AP1S3: variants seen among roughly 807,000 people sequenced by gnomAD.
AP1S3 encodes adaptor related protein complex 1 subunit sigma 3, also known as AP-1 complex subunit sigma-3.
In AP1S3, 10 loss-of-function variants were observed where a neutral mutation model predicts 20.9. That is an observed-to-expected ratio of 0.48 (90% CI 0.29 to 0.81). The LOEUF (loss-of-function observed/expected upper bound fraction) is 0.81, where lower values mean the gene tolerates loss of function less well. Ranked by LOEUF, AP1S3 falls within the 30% of genes least tolerant of loss-of-function variation. AP1S3 has a pLI of 0.08. For missense variants in AP1S3, 154 were observed against 183.8 expected, an observed-to-expected ratio of 0.84 and a Z score of 0.94; for synonymous variants, 41 against 61.5, an observed-to-expected ratio of 0.67 and a Z score of 1.56.
intron 4 of AP1S3, among the ~76,000 whole-genome samples, chr2:223,759,110 T>A (rs1405194580): frequency 6.6e-6 from 1 of 151,840 alleles, no homozygotes; most frequent in South Asian, 2.1e-4. Flanking sequence ...CAAAACCCCA[T>A]CTCGATGAAA....
At chr2:223,806,818 A>G (rs1373607689) in intron 1 of AP1S3, among the ~76,000 whole-genome samples, 2 of 152,224 alleles carry the variant, frequency 1.3e-5, no homozygotes, top group Non-Finnish European at 2.9e-5. Context: ...TAACATCTTA[A>G]GAAGAAAATT....
At chr2:223,777,931 G>A (rs1690829511) in intron 1 of AP1S3, 62 bp from the exon 2 acceptor site, 1 of 1,428,204 alleles carries the variant, frequency 7.0e-7, no homozygotes, top group Non-Finnish European at 9.5e-7. Flanking sequence ...GTTCTGCAAA[G>A]ACACTGAAAT....
At position 223,834,197 on chromosome 2, in the gene AP1S3, T is replaced by C. The variant is rs548053229; in HGVS notation, c.3+3251A>G. Among the ~76,000 whole-genome samples the C allele has an allele frequency of 9.2e-5, 14 of 151,900 alleles. No individual in the cohort carries two copies. In the South Asian group the frequency reaches 2.9e-3, roughly 32 times the overall value. Reference sequence around the variant, plus strand: ...TTTTGTTTATGTGGGTTATATCCACTGATATTTATTGTATTTGAAATTAAA... The same window carrying C: ...TTTTGTTTATGTGGGTTATATCCACCGATATTTATTGTATTTGAAATTAAA... On this transcript the variant is annotated intron_variant, in intron 1 of 4. Coordinates refer to ENST00000396654, the MANE Select transcript of AP1S3 (RefSeq NM_001039569.2).
rs941016304 is a variant in AP1S3, at chr2:223,757,898, G to A, written c.*817C>T. The stretch of plus-strand genomic sequence containing the variant: ...GGAACGTGAATTTTAAAAAATAGTA[G>A]CAATAATTATTATTGCTATTAATTC... On this transcript the variant is annotated 3_prime_UTR_variant, in exon 5 of 5. Transcript: ENST00000396654. 1.1e-5 allele frequency: 11 copies of A among 980,018 alleles called. No individual in the cohort carries two copies. In the African/African-American group the frequency reaches 1.9e-4, roughly 17 times the overall value. The allele number at this position is 980,018 out of a possible 1,614,324, so 60.7% of individuals were successfully genotyped here.
Position 223,822,541 on chromosome 2 carries a change from G to A in AP1S3, c.3+14907C>T, listed in dbSNP as rs187655405. Among the ~76,000 whole-genome samples the A allele has an allele frequency of 1.8e-3, 269 of 152,004 alleles. 4 individuals carry two copies. Among genetic ancestry groups the A allele is most frequent in the Admixed American group, 0.013 (203 of 15,256 alleles). On this transcript the variant is annotated intron_variant, in intron 1 of 4. Coordinates refer to ENST00000396654, the MANE Select transcript of AP1S3 (RefSeq NM_001039569.2). ...CTCTACTAAAAATACAAAATTAGCC[G>A]GGCATGGTGGTGCATTCCTGTAATC... is the stretch of plus-strand genomic sequence containing the variant.
chr2:223,830,100 T>A (rs1692224956), intron 1 of AP1S3, among the ~76,000 whole-genome samples: 1 of 152,046 alleles, frequency 6.6e-6, no homozygotes. Flanking sequence ...TAGCCTAAGC[T>A]GCAAGCCATA....
At chr2:223,816,806 A>G (rs1691854221) in intron 1 of AP1S3, among the ~76,000 whole-genome samples, 1 of 152,212 alleles carries the variant, frequency 6.6e-6, no homozygotes, top group African/African-American at 2.4e-5. Flanking sequence ...AAGATGACAG[A>G]CAATCCCCCA....
Position 223,809,218 on chromosome 2 carries a change from G to A in AP1S3, c.3+28230C>T, listed in dbSNP as rs1312508476. Among the ~76,000 whole-genome samples the A allele has an allele frequency of 2.6e-5, 4 of 152,208 alleles. No homozygotes were observed. The East Asian group carries it at 5.8e-4, about 22-fold the overall frequency. On this transcript the variant is annotated intron_variant, in intron 1 of 4. Coordinates refer to ENST00000396654, the MANE Select transcript of AP1S3 (RefSeq NM_001039569.2). ...GGCCATACTCAACATGCCCCCTCAC[G>A]ACCTCTGAAATCATCTACTCTTCCC... is the stretch of plus-strand genomic sequence containing the variant.
At chr2:223,795,901 G>A (rs1246179407) in intron 1 of AP1S3, among the ~76,000 whole-genome samples, 3 of 152,110 alleles carry the variant, frequency 2.0e-5, no homozygotes, top group Admixed American at 6.5e-5. Flanking sequence ...GGCCAGTCAC[G>A]GTGGCTCACG....
At chr2:223,821,591 G>A (rs1445658163) in intron 1 of AP1S3, among the ~76,000 whole-genome samples, 1 of 152,222 alleles carries the variant, frequency 6.6e-6, no homozygotes, top group East Asian at 1.9e-4. Flanking sequence ...ACTTACTATA[G>A]CAGCTAGACA....
At chr2:223,803,508 TA>T (rs1393532379) in intron 1 of AP1S3, among the ~76,000 whole-genome samples, 2 of 152,196 alleles carry the variant, frequency 1.3e-5, no homozygotes, top group Non-Finnish European at 2.9e-5. Flanking sequence ...AAATTGTTCT[TA>T]AAAGTCCCAG....
At chr2:223,797,777 T>C (rs1449792989) in intron 1 of AP1S3, among the ~76,000 whole-genome samples, 1 of 151,868 alleles carries the variant, frequency 6.6e-6, no homozygotes, top group African/African-American at 2.4e-5. Context: ...AAAAAATAAA[T>C]AAAATAAAAT....
intron 4 of AP1S3, among the ~76,000 whole-genome samples, chr2:223,761,531 C>T (rs994854597): frequency 2.6e-5 from 4 of 151,980 alleles, no homozygotes; most frequent in Admixed American, 2.6e-4. Context: ...CTCAAGTGAT[C>T]CTTTCACCTT....
chr2:223,756,413 A>C lies in AP1S3; in HGVS notation c.*2302T>G. ...GGAAGGGAAGGAAGGAAGGGAGGGAAGGAGAGAGAGAGAAGAAGGAAGGAA... is the reference window on the plus strand; with the variant it reads ...GGAAGGGAAGGAAGGAAGGGAGGGACGGAGAGAGAGAGAAGAAGGAAGGAA... On this transcript the variant is annotated 3_prime_UTR_variant, in exon 5 of 5. Coordinates refer to ENST00000396654, the MANE Select transcript of AP1S3 (RefSeq NM_001039569.2). 1.3e-5 allele frequency: 7 copies of C among 528,854 alleles called. No individual in the cohort carries two copies. Among genetic ancestry groups the C allele is most frequent in the Non-Finnish European group, 1.6e-5 (7 of 426,004 alleles). The allele number at this position is 528,854 out of a possible 1,614,324, so 32.8% of individuals were successfully genotyped here. A position where few individuals can be genotyped will look rare whatever the true frequency, so the allele number is the denominator to read the frequency against.
chr2:223,788,034 C>G (rs1691116797), intron 1 of AP1S3, among the ~76,000 whole-genome samples: 2 of 151,704 alleles, frequency 1.3e-5, no homozygotes, highest in African/African-American at 4.8e-5. Context: ...TCGGCTCGCC[C>G]AGGTTCAAGT....
At chr2:223,796,813 G>C (rs1691348521) in intron 1 of AP1S3, among the ~76,000 whole-genome samples, 1 of 152,080 alleles carries the variant, frequency 6.6e-6, no homozygotes. Context: ...ACAGGTGCCC[G>C]CCACTGCGCC....
At position 223,828,058 on chromosome 2, in the gene AP1S3, T is replaced by TAAA. The variant is rs527671959; in HGVS notation, c.3+9387_3+9389dup. Among the ~76,000 whole-genome samples the TAAA allele has an allele frequency of 1.7e-3, 163 of 94,318 alleles. 1 individual carries two copies. The highest frequency in any genetic ancestry group is 5.2e-3 in the Middle Eastern group (1 of 194). 61.9% of individuals were successfully genotyped at this position (94,318 alleles called of 152,430 possible). A position where few individuals can be genotyped will look rare whatever the true frequency, so the allele number is the denominator to read the frequency against. On this transcript the variant is annotated intron_variant, in intron 1 of 4. Transcript: ENST00000396654. ...TGGGGTACAAGAGCAAGACTTCATC[T>TAAA]AAAAAAAAAAAAAAAAAAAAAAAAA...
At chr2:223,765,476 T>G (rs1690454822) in intron 3 of AP1S3, 126 bp from the exon 4 acceptor site, 1 of 985,258 alleles carries the variant, frequency 1.0e-6, no homozygotes, top group Non-Finnish European at 1.4e-6. Context: ...TCAGATGGCA[T>G]TTTAAGGACA....
chr2:223,762,524 C>T (rs1330865545), intron 4 of AP1S3, among the ~76,000 whole-genome samples: 1 of 152,088 alleles, frequency 6.6e-6, no homozygotes, highest in African/African-American at 2.4e-5. Context: ...CCGCCCACCT[C>T]GGCCTCCCAA....
Sources: allele counts gnomAD v4.1 joint callset (sites outside exome capture counted in the v4.1 genomes callset), GRCh38; gene constraint gnomAD v4.1.1; transcripts MANE v1.5; gene names NCBI Gene and HGNC (gene_info 2026-07-23, HGNC 2026-07-21).